Variants in DNAAF9 observed in about 807,000 individuals in gnomAD.
DNAAF9 encodes dynein axonemal assembly factor 9.
Under a neutral mutation model 167.0 loss-of-function variants are expected in DNAAF9, and 90 were observed. The ratio of observed to expected loss-of-function variants is 0.54; its 90% CI spans 0.45 to 0.64. The LOEUF (loss-of-function observed/expected upper bound fraction) is 0.64. DNAAF9 is among the 30% of genes least tolerant of loss of function. The pLI, the probability that DNAAF9 is intolerant of heterozygous loss-of-function variation, is 0.00. For missense variants in DNAAF9, 1,315 were observed against 1,442.2 expected, an observed-to-expected ratio of 0.91 and a Z score of 1.43; for synonymous variants, 491 against 508.8, an observed-to-expected ratio of 0.96 and a Z score of 0.47.
At position 3,315,084 on chromosome 20, in the gene DNAAF9, C is replaced by G. The variant is rs1280438278; in HGVS notation, c.1627G>C (p.Gly543Arg). Residue 543 changes from glycine to arginine, a missense_variant, in exon 20 of 37, where the codon GGA becomes CGA. By Grantham distance (125) the Gly-to-Arg change is moderately radical (BLOSUM62 -2). Coordinates refer to ENST00000252032, the MANE Select transcript of DNAAF9 (RefSeq NM_001009984.3). This position sits in a 1 kb window ranked among gnomAD's most constrained non-coding sequence, Gnocchi z 4.1. ...CTGGAATAAAGATATGCTCCTTCTC[C>G]TCCTGTTAGATAAGTGCCCAGGAAA... ...ESFLGTYLTG[G>R]EGAYLYSSNL... 6.2e-7 allele frequency: 1 copy of G among 1,611,706 alleles called. No individual in the cohort carries two copies.
chr20:3,355,447 C>G (rs1008363269), intron 7 of DNAAF9, among the ~76,000 whole-genome samples: 1 of 152,028 alleles, frequency 6.6e-6, no homozygotes, highest in Admixed American at 6.5e-5. Context: ...TGGTGGCACA[C>G]ACCTGTAGTC....
chr20:3,340,117 T>C (rs976016462), intron 10 of DNAAF9, among the ~76,000 whole-genome samples: 3 of 152,164 alleles, frequency 2.0e-5, no homozygotes, highest in Non-Finnish European at 4.4e-5. Context: ...ATCATCAAGG[T>C]TGGCTTCTGT....
chr20:3,370,076 G>A (rs1278219897), intron 6 of DNAAF9, among the ~76,000 whole-genome samples: 2 of 151,954 alleles, frequency 1.3e-5, no homozygotes, highest in Non-Finnish European at 2.9e-5. Context: ...CAATGAAAAG[G>A]CTAACTGGAA....
intron 20 of DNAAF9, among the ~76,000 whole-genome samples, chr20:3,308,471 T>C (rs1260339246): frequency 6.6e-6 from 1 of 151,510 alleles, no homozygotes; most frequent in African/African-American, 2.4e-5. Flanking sequence ...GCCTCCCAAG[T>C]AGCTGGGATT....
chr20:3,361,801 A>C, intron 6 of DNAAF9: 1 of 1,301,638 alleles, frequency 7.7e-7, no homozygotes, highest in Non-Finnish European at 1.1e-6. Flanking sequence ...CATATCTAGA[A>C]AATTTACTAC....
intron 6 of DNAAF9, among the ~76,000 whole-genome samples, chr20:3,372,654 G>A (rs1023531693): frequency 1.3e-5 from 2 of 152,184 alleles, no homozygotes; most frequent in African/African-American, 4.8e-5. Flanking sequence ...TGTGATTCTA[G>A]CTGCAGCCCA....
chr20:3,255,220 T>C lies in DNAAF9; in HGVS notation c.3326A>G (p.His1109Arg). 1 of 1,547,694 alleles carries C rather than the reference T, an allele frequency of 6.5e-7. No homozygotes were observed. The highest frequency in any genetic ancestry group is 8.7e-7 in the Non-Finnish European group (1 of 1,143,554). Residue 1109 changes from histidine (H) to arginine (R), a missense_variant and splice_region_variant, in exon 35 of 37, where the codon CAC becomes CGC. This residue lies in a region of DNAAF9 where 334 missense variants were observed against 429.7 expected (regional missense o/e 0.78). Transcript: ENST00000252032. ...MLTQQEIRSI[H>R]VKRHLEPLPA... ...GAGAAGCCAGGGCAAGGCACTCACG[T>C]GGATGCTCCTGATCTCCTGTTGCGT...
chr20:3,371,734 T>TAGAAA (rs2083513516), intron 6 of DNAAF9, among the ~76,000 whole-genome samples: 1 of 152,198 alleles, frequency 6.6e-6, no homozygotes, highest in South Asian at 2.1e-4. Context: ...TCCTAATTCT[T>TAGAAA]ATTCTATCTT....
At chr20:3,336,889 T>C (rs1367294369) in intron 10 of DNAAF9, among the ~76,000 whole-genome samples, 2 of 150,206 alleles carry the variant, frequency 1.3e-5, no homozygotes, top group Non-Finnish European at 3.0e-5. Flanking sequence ...TTTCTTTTTT[T>C]TTTTTTTTTG....
In DNAAF9 at chr20:3,380,414, G is replaced by C. The variant is rs548606374; in HGVS notation, c.283+965C>G. ...AAGAATTTTCATATATACCAGACCAGGATTTCTCAACCTCGGCACTACTGA... is the reference window on the plus strand; with the variant it reads ...AAGAATTTTCATATATACCAGACCACGATTTCTCAACCTCGGCACTACTGA... On this transcript the variant is annotated intron_variant, in intron 3 of 36. Transcript: ENST00000252032. 2.6e-5 allele frequency among the ~76,000 whole-genome samples: 4 copies of C among 152,270 alleles called. No homozygotes were observed. In the South Asian group the frequency reaches 8.3e-4, roughly 32 times the overall value.
At chr20:3,295,242 G>A (rs1004445040) in intron 23 of DNAAF9, among the ~76,000 whole-genome samples, 4 of 151,640 alleles carry the variant, frequency 2.6e-5, no homozygotes, top group African/African-American at 2.4e-5. Flanking sequence ...GCACGATCTC[G>A]GCTCATTGCA....
In DNAAF9 at chr20:3,315,388, AT is replaced by A. The variant is rs1359880039; in HGVS notation, c.1591-269del. Among the ~76,000 whole-genome samples, 1 of 152,196 alleles carries A rather than the reference AT, an allele frequency of 6.6e-6. No individual in the cohort carries two copies. Among genetic ancestry groups the A allele is most frequent in the Non-Finnish European group, 1.5e-5 (1 of 68,034 alleles). The stretch of plus-strand genomic sequence containing the variant: ...GCAATGCTTGTTCATGTTCCAGTGG[AT>A]TTATTTCCTTTGTGAAAACAGAGGC... On this transcript the variant is annotated intron_variant, in intron 19 of 36. Coordinates refer to ENST00000252032, the MANE Select transcript of DNAAF9 (RefSeq NM_001009984.3). This position sits in a 1 kb window ranked among gnomAD's most constrained non-coding sequence, Gnocchi z 4.1.
chr20:3,367,550 A>G (rs947942695), intron 6 of DNAAF9, among the ~76,000 whole-genome samples: 10 of 152,260 alleles, frequency 6.6e-5, no homozygotes, highest in African/African-American at 2.2e-4. Context: ...TTGAACCTTT[A>G]TTGGCCATTG....
At chr20:3,284,381 CAT>C (rs1445888118) in intron 27 of DNAAF9, among the ~76,000 whole-genome samples, 3 of 151,940 alleles carry the variant, frequency 2.0e-5, no homozygotes, top group Non-Finnish European at 4.4e-5. Context: ...AGGGTTTCCT[CAT>C]GTTGCTCAGG....
chr20:3,298,766 TA>T, intron 21 of DNAAF9, among the ~76,000 whole-genome samples: 1 of 152,242 alleles, frequency 6.6e-6, no homozygotes, highest in East Asian at 1.9e-4. Context: ...ACAGAAGTTT[TA>T]AATGTTGATG....
At chr20:3,366,713 C>T (rs1568630988) in intron 6 of DNAAF9, among the ~76,000 whole-genome samples, 1 of 151,812 alleles carries the variant, frequency 6.6e-6, no homozygotes, top group Non-Finnish European at 1.5e-5. Flanking sequence ...TCACTTGAGC[C>T]CAGGAGTTCA....
intron 30 of DNAAF9, among the ~76,000 whole-genome samples, chr20:3,265,552 GTGA>G (rs1407536552): frequency 7.3e-6 from 1 of 136,366 alleles, no homozygotes; most frequent in African/African-American, 2.8e-5. Context: ...TCCAGCCTGG[GTGA>G]CAGAGTGAGA....
chr20:3,260,716 G>A (rs1341103781), intron 31 of DNAAF9, among the ~76,000 whole-genome samples: 2 of 151,138 alleles, frequency 1.3e-5, no homozygotes, highest in African/African-American at 2.4e-5. Flanking sequence ...TGCTATCTCC[G>A]CCTCCTGGGT....
At chr20:3,352,898 T>G (rs2070353152) in intron 7 of DNAAF9, among the ~76,000 whole-genome samples, 1 of 149,230 alleles carries the variant, frequency 6.7e-6, no homozygotes, top group African/African-American at 2.4e-5. Context: ...TATATATATG[T>G]AAATTCCATA....
Sources: allele counts gnomAD v4.1 joint callset (sites outside exome capture counted in the v4.1 genomes callset), GRCh38; gene constraint gnomAD v4.1.1; regional missense constraint gnomAD v4.1.1; non-coding constraint Gnocchi (gnomAD v3.1); transcripts MANE v1.5; gene names NCBI Gene and HGNC (gene_info 2026-07-23, HGNC 2026-07-21).